Variants in GABRB3 observed in about 807,000 individuals in gnomAD.
GABRB3 encodes the protein gamma-aminobutyric acid receptor subunit beta-3.
Under a neutral mutation model 52.1 loss-of-function variants are expected in GABRB3, and 14 were observed. The ratio of observed to expected loss-of-function variants is 0.27; its 90% CI spans 0.18 to 0.42. The LOEUF (loss-of-function observed/expected upper bound fraction) is 0.42, where lower values mean the gene tolerates loss of function less well. Ranked by LOEUF, GABRB3 falls within the 10% of genes least tolerant of loss-of-function variation. The pLI is 1.00. For missense variants in GABRB3, 307 were observed against 609.1 expected (o/e 0.50, Z 5.22); for synonymous variants, 260 against 232.3 (o/e 1.12, Z -1.08).
intron 4 of GABRB3, chr15:26,612,145 A>G (rs1374548292): frequency 6.6e-6 from 1 of 152,220 alleles, no homozygotes; most frequent in African/African-American, 2.4e-5. Flanking sequence ...CTAAAAGTGC[A>G]GCTCATCCTT....
chr15:26,606,804 C>CAA (rs200249563), intron 4 of GABRB3, among the ~76,000 whole-genome samples: 1 of 42,770 alleles, frequency 2.3e-5, no homozygotes, highest in African/African-American at 7.8e-5. Context: ...ATAGATATAT[C>CAA]TATAGATAGA....
chr15:26,638,494 A>G (rs1893113407), intron 3 of GABRB3, among the ~76,000 whole-genome samples: 1 of 152,232 alleles, frequency 6.6e-6, no homozygotes. Flanking sequence ...GACAAAAACC[A>G]TAGCTGATGA....
intron 3 of GABRB3, among the ~76,000 whole-genome samples, chr15:26,668,909 C>T (rs930916994): frequency 2.0e-5 from 3 of 152,062 alleles, no homozygotes; most frequent in African/African-American, 7.2e-5. Flanking sequence ...GAACATATTC[C>T]CTGCAGGGTA....
chr15:26,611,845 GT>G (rs2140519288), intron 4 of GABRB3: 1 of 152,304 alleles, frequency 6.6e-6, no homozygotes, highest in Admixed American at 6.5e-5. Context: ...AAGAAATATT[GT>G]AATGAAACAC....
chr15:26,765,836 A>T (rs1429261720), intron 3 of GABRB3, among the ~76,000 whole-genome samples: 2 of 152,234 alleles, frequency 1.3e-5, no homozygotes, highest in Non-Finnish European at 2.9e-5. Context: ...AGTGAAGGTC[A>T]TGGAAGAAGA....
chr15:26,722,123 T>C (rs868575703), intron 3 of GABRB3, among the ~76,000 whole-genome samples: 1 of 152,180 alleles, frequency 6.6e-6, no homozygotes, highest in African/African-American at 2.4e-5. Flanking sequence ...TTCCTTCTTT[T>C]CTCTTTGCTC....
rs2140723978 is a variant in GABRB3, at chr15:26,577,664, C to T, written c.682+2655G>A. On this transcript the variant is annotated intron_variant, in intron 6 of 8. Transcript: ENST00000311550. ...AGAAAAACAAGTTACAGTCGTGCCC[C>T]TCGTAACGACCTGTAGGTCAATGGA... is the stretch of plus-strand genomic sequence containing the variant. 2.6e-5 allele frequency among the ~76,000 whole-genome samples: 4 copies of T among 152,312 alleles called. No homozygotes were observed. In the South Asian group the frequency reaches 8.3e-4, roughly 32 times the overall value.
rs1402727176 is a variant in GABRB3, at chr15:26,661,809, G to T, written c.241-40275C>A. ...CAAGCCAGGATGTGAACCTGGACCC[G>T]CATGGAACAGCGTCCTCCCAGTCCT... is the stretch of plus-strand genomic sequence containing the variant. On this transcript the variant is annotated intron_variant, in intron 3 of 8. Coordinates refer to ENST00000311550, the MANE Select transcript of GABRB3 (RefSeq NM_000814.6). 3.9e-5 allele frequency among the ~76,000 whole-genome samples: 6 copies of T among 152,282 alleles called. No homozygotes were observed. The South Asian group carries it at 1.0e-3, about 26-fold the overall frequency.
chr15:26,579,717 A>G (rs941163592), intron 6 of GABRB3, among the ~76,000 whole-genome samples: 5 of 152,232 alleles, frequency 3.3e-5, no homozygotes, highest in African/African-American at 1.2e-4. Flanking sequence ...TAATTTAGTA[A>G]AAACCTGTGC....
chr15:26,691,579 G>A (rs1484427338), intron 3 of GABRB3, among the ~76,000 whole-genome samples: 5 of 152,104 alleles, frequency 3.3e-5, no homozygotes, highest in Admixed American at 2.6e-4. Flanking sequence ...GGTTCTTCAG[G>A]GAAGGGAAGG....
At chr15:26,709,060 A>T (rs901929068) in intron 3 of GABRB3, among the ~76,000 whole-genome samples, 1 of 152,236 alleles carries the variant, frequency 6.6e-6, no homozygotes, top group African/African-American at 2.4e-5. Context: ...CCATAAAGCA[A>T]CTTATTGAGG....
intron 3 of GABRB3, among the ~76,000 whole-genome samples, chr15:26,650,835 T>C (rs1007767721): frequency 1.8e-4 from 28 of 152,112 alleles, no homozygotes; most frequent in African/African-American, 6.8e-4. Flanking sequence ...GGGGAGATGG[T>C]TGGACTTTGA....
chr15:26,701,113 T>TGG (rs775832689), intron 3 of GABRB3, among the ~76,000 whole-genome samples: 4 of 151,656 alleles, frequency 2.6e-5, no homozygotes, highest in Non-Finnish European at 5.9e-5. Context: ...TTTCTCAACT[T>TGG]GAGACAGAGC....
chr15:26,685,864 G>A (rs1053193738), intron 3 of GABRB3, among the ~76,000 whole-genome samples: 22 of 150,500 alleles, frequency 1.5e-4, no homozygotes, highest in African/African-American at 5.1e-4. Flanking sequence ...GAGTACAGTG[G>A]TGCAATCATA....
At chr15:26,613,112 G>C (rs1316116115) in intron 4 of GABRB3, 1 of 152,012 alleles carries the variant, frequency 6.6e-6, no homozygotes, top group African/African-American at 2.4e-5. Context: ...GCAAGACCCT[G>C]TCTCAAAAGA....
intron 3 of GABRB3, among the ~76,000 whole-genome samples, chr15:26,727,451 T>C (rs1889803897): frequency 6.6e-6 from 1 of 152,204 alleles, no homozygotes; most frequent in Admixed American, 6.5e-5. Context: ...GATTTGGCCA[T>C]CAGGAGACCC....
rs1455092745 is a variant in GABRB3, at chr15:26,587,599, T to C, written c.462-4185A>G. On this transcript the variant is annotated intron_variant, in intron 4 of 8. Transcript: ENST00000311550. The stretch of plus-strand genomic sequence containing the variant: ...GGGATGTTGCAGAAATCATCGAATG[T>C]GTGCTCCACCTCTCCAGGGAGCAGC... Among the ~76,000 whole-genome samples the C allele has an allele frequency of 2.0e-5, 3 of 152,222 alleles. No homozygotes were observed. In the East Asian group the frequency reaches 5.8e-4, roughly 30 times the overall value.
intron 3 of GABRB3, among the ~76,000 whole-genome samples, chr15:26,653,831 A>T (rs951143060): frequency 6.6e-6 from 1 of 152,250 alleles, no homozygotes; most frequent in African/African-American, 2.4e-5. Context: ...TTTTTTAAAC[A>T]GGAAGCATGT....
upstream of GABRB3, among the ~76,000 whole-genome samples, chr15:26,773,253 G>C (rs985132493): frequency 6.7e-6 from 1 of 150,018 alleles, no homozygotes; most frequent in Non-Finnish European, 1.5e-5. Flanking sequence ...GCCCGAGGCC[G>C]GGGCCCTGGG....
Sources: allele counts gnomAD v4.1 joint callset (sites outside exome capture counted in the v4.1 genomes callset), GRCh38; gene constraint gnomAD v4.1.1; transcripts MANE v1.5; gene names NCBI Gene and HGNC (gene_info 2026-07-23, HGNC 2026-07-21).